PPP4R4: variants seen among roughly 807,000 people sequenced by gnomAD.
PPP4R4 encodes the protein protein phosphatase 4 regulatory subunit 4.
PPP4R4 carries 70 observed loss-of-function variants against 121.8 expected under a neutral mutation model. The ratio of observed to expected loss-of-function variants is 0.57; its 90% CI spans 0.47 to 0.70. The LOEUF is 0.70. Among genes scored for constraint, PPP4R4 ranks in the 30% least tolerant of loss-of-function variants. The pLI is 0.00. For synonymous variants in PPP4R4, 348 were observed against 355.7 expected, an observed-to-expected ratio of 0.98 and a Z score of 0.24; for missense variants, 875 against 1,033.6, an observed-to-expected ratio of 0.85 and a Z score of 2.10.
chr14:94,223,995 T>C (rs1016891297), intron 3 of PPP4R4, among the ~76,000 whole-genome samples: 2 of 152,216 alleles, frequency 1.3e-5, no homozygotes, highest in Admixed American at 6.5e-5. Context: ...GTGATATATG[T>C]CCTTAATTTA....
At chr14:94,261,765 T>G (rs1893796426) in intron 19 of PPP4R4, among the ~76,000 whole-genome samples, 1 of 152,048 alleles carries the variant, frequency 6.6e-6, no homozygotes, top group South Asian at 2.1e-4. Context: ...TAGGAGTTTT[T>G]ATGAATGGTT....
intron 4 of PPP4R4, among the ~76,000 whole-genome samples, chr14:94,231,011 C>A (rs1892003833): frequency 6.6e-6 from 1 of 151,878 alleles, no homozygotes; most frequent in African/African-American, 2.4e-5. Flanking sequence ...TAGTATTGTA[C>A]AATAAAAGAG....
chr14:94,269,086 A>C (rs1894187704), intron 23 of PPP4R4, among the ~76,000 whole-genome samples: 1 of 152,226 alleles, frequency 6.6e-6, no homozygotes, highest in Admixed American at 6.5e-5. Flanking sequence ...AATATTTACT[A>C]TGTAATACAT....
intron 2 of PPP4R4, among the ~76,000 whole-genome samples, chr14:94,192,495 A>G (rs2139407180): frequency 6.6e-6 from 1 of 152,298 alleles, no homozygotes; most frequent in Non-Finnish European, 1.5e-5. Context: ...TTAACTATCA[A>G]CTATGTAAAG....
intron 2 of PPP4R4, among the ~76,000 whole-genome samples, chr14:94,200,110 T>C (rs1399167079): frequency 6.6e-6 from 1 of 152,286 alleles, no homozygotes; most frequent in Non-Finnish European, 1.5e-5. Flanking sequence ...TTAATGTAAA[T>C]TAGATTACTT....
intron 1 of PPP4R4, among the ~76,000 whole-genome samples, 160 bp downstream of exon 1, chr14:94,174,742 CGCCCT>C (rs1283210767): frequency 1.3e-5 from 2 of 151,828 alleles, no homozygotes; most frequent in Non-Finnish European, 2.9e-5. Context: ...CTTGCCGTGT[CGCCCT>C]AAGCCAGTTC....
chr14:94,213,808 ACTGACTT>A (rs745947040), intron 3 of PPP4R4, among the ~76,000 whole-genome samples: 5 of 152,220 alleles, frequency 3.3e-5, no homozygotes, highest in Non-Finnish European at 5.9e-5. Flanking sequence ...ACCAGGTGAT[ACTGACTT>A]TGAAATTCTG....
intron 17 of PPP4R4, among the ~76,000 whole-genome samples, chr14:94,258,581 T>C (rs1252031907): frequency 2.0e-5 from 3 of 152,162 alleles, no homozygotes; most frequent in African/African-American, 4.8e-5. Flanking sequence ...TTTCAAAAGT[T>C]AAAATTGACC....
chr14:94,232,985 G>A (rs1298986466), intron 5 of PPP4R4, among the ~76,000 whole-genome samples: 2 of 152,002 alleles, frequency 1.3e-5, no homozygotes, highest in Non-Finnish European at 2.9e-5. Flanking sequence ...GTGAACCCGG[G>A]AGGTGGAGCT....
At chr14:94,259,035 G>C (rs769724737) in intron 18 of PPP4R4, among the ~76,000 whole-genome samples, 71 of 152,176 alleles carry the variant, frequency 4.7e-4, no homozygotes, top group Non-Finnish European at 6.9e-4. Context: ...GCTTGTGCAG[G>C]GAAACTCCCC....
intron 19 of PPP4R4, among the ~76,000 whole-genome samples, chr14:94,260,993 T>G (rs1893757847): frequency 1.3e-5 from 2 of 152,126 alleles, no homozygotes; most frequent in African/African-American, 4.8e-5. Context: ...AATATATGTT[T>G]ATTTTTTTCC....
chr14:94,178,121 G>A (rs985284815), intron 2 of PPP4R4, among the ~76,000 whole-genome samples: 7 of 152,194 alleles, frequency 4.6e-5, no homozygotes, highest in Non-Finnish European at 8.8e-5. Context: ...GGATTCAGGG[G>A]AGGGGACAGG....
chr14:94,245,623 T>C lies in PPP4R4; in HGVS notation c.1381T>C (p.Leu461=). 1.9e-6 allele frequency: 3 copies of C among 1,599,190 alleles called. No individual in the cohort carries two copies. Among genetic ancestry groups the C allele is most frequent in the Non-Finnish European group, 2.6e-6 (3 of 1,168,640 alleles). The change falls in exon 13 of 25, where the codon TTG becomes CTG. Residue 461 remains leucine, a synonymous_variant. Coordinates refer to ENST00000304338, the MANE Select transcript of PPP4R4 (RefSeq NM_058237.2). Reference sequence around the variant, plus strand: ...TCTTATAGATCATCTTCCAGAAATCTTGGAACTTATGTCTACTGGTGGAGA... The same window carrying C: ...TCTTATAGATCATCTTCCAGAAATCCTGGAACTTATGTCTACTGGTGGAGA... ...DALIDHLPEI[L]ELMSTGGESS...
intron 19 of PPP4R4, among the ~76,000 whole-genome samples, chr14:94,262,547 C>T (rs140580515): frequency 3.6e-4 from 54 of 151,922 alleles, no homozygotes; most frequent in African/African-American, 1.3e-3. Context: ...ATCTCTTTAC[C>T]TCCTCCACAC....
intron 3 of PPP4R4, among the ~76,000 whole-genome samples, chr14:94,213,274 T>TA (rs1468903523): frequency 1.3e-5 from 2 of 152,192 alleles, no homozygotes; most frequent in African/African-American, 4.8e-5. Flanking sequence ...ATGTGTAATT[T>TA]AATGTCTCAA....
intron 2 of PPP4R4, among the ~76,000 whole-genome samples, chr14:94,181,114 G>A (rs1268918009): frequency 4.6e-5 from 7 of 152,064 alleles, no homozygotes; most frequent in Non-Finnish European, 1.0e-4. Flanking sequence ...TCCTTTGAAT[G>A]CCCTCCTTTT....
intron 7 of PPP4R4, 94 bp downstream of exon 7, chr14:94,234,763 C>T: frequency 1.2e-6 from 1 of 853,738 alleles, no homozygotes; most frequent in Non-Finnish European, 1.9e-6. Flanking sequence ...ACAAGTACCT[C>T]CTCTATGTCT....
chr14:94,206,551 G>A (rs1890471676), intron 2 of PPP4R4, among the ~76,000 whole-genome samples: 1 of 151,610 alleles, frequency 6.6e-6, no homozygotes, highest in Admixed American at 6.6e-5. Context: ...GCCTTCCTGT[G>A]AAAAGTTTTG....
chr14:94,246,864 T>C (rs1892921254), intron 14 of PPP4R4, among the ~76,000 whole-genome samples: 1 of 152,228 alleles, frequency 6.6e-6, no homozygotes, highest in Non-Finnish European at 1.5e-5. Context: ...TTGACAGGAC[T>C]CAGTGACCTT....
Sources: gnomAD v4.1 joint callset for allele counts (sites outside exome capture counted in the v4.1 genomes callset) on GRCh38, gnomAD v4.1.1 for gene constraint, MANE v1.5 for transcripts, NCBI Gene and HGNC (gene_info 2026-07-23, HGNC 2026-07-21) for gene names.